Variants in BICC1 observed in about 807,000 individuals in gnomAD.
BICC1 encodes protein bicaudal C homolog 1.
BICC1 carries 43 observed loss-of-function variants against 111.0 expected under a neutral mutation model. The observed-to-expected ratio is 0.39, with a 90% confidence interval of 0.30 to 0.50. The LOEUF is 0.50. Ranked by LOEUF, BICC1 falls within the 20% of genes least tolerant of loss-of-function variation. BICC1 has a pLI of 0.88. For missense variants in BICC1, 1,091 were observed against 1,203.2 expected (o/e 0.91, Z 1.38); for synonymous variants, 467 against 434.4 (o/e 1.07, Z -0.93).
intron 17 of BICC1, among the ~76,000 whole-genome samples, chr10:58,812,666 T>C (rs1011495515): frequency 1.3e-5 from 2 of 151,924 alleles, no homozygotes; most frequent in South Asian, 2.1e-4. Flanking sequence ...TTAGTAGATA[T>C]GGGGTTTCAC....
At chr10:58,674,467 A>C (rs1361091549) in intron 2 of BICC1, among the ~76,000 whole-genome samples, 1 of 152,204 alleles carries the variant, frequency 6.6e-6, no homozygotes, top group East Asian at 1.9e-4. Flanking sequence ...TTTGTGGAAC[A>C]TATATTTATG....
chr10:58,696,729 C>G (rs1206493072), intron 2 of BICC1, among the ~76,000 whole-genome samples: 1 of 152,246 alleles, frequency 6.6e-6, no homozygotes, highest in East Asian at 1.9e-4. Context: ...CCTGAAATAG[C>G]AAAATCATAC....
chr10:58,782,203 A>G (rs1257706707), intron 3 of BICC1, among the ~76,000 whole-genome samples: 2 of 152,212 alleles, frequency 1.3e-5, no homozygotes, highest in Admixed American at 1.3e-4. Flanking sequence ...AGAAAATCAC[A>G]TTCTCTCTTA....
chr10:58,821,662 C>A (rs1330365592), intron 20 of BICC1, among the ~76,000 whole-genome samples: 1 of 152,116 alleles, frequency 6.6e-6, no homozygotes, highest in East Asian at 1.9e-4. Context: ...TCTAAAATTT[C>A]TTCTCGGATA....
Position 58,731,740 on chromosome 10 carries a change from G to A in BICC1, c.307+29597G>A, listed in dbSNP as rs138656620. ...AGAGAGAGAGAGAGAGAGGGAGGGA[G>A]TGGGGGAGAGATGCTACACACTTTT... On this transcript the variant is annotated intron_variant, in intron 3 of 20. Coordinates refer to ENST00000373886, the MANE Select transcript of BICC1 (RefSeq NM_001080512.3). Among the ~76,000 whole-genome samples the A allele has an allele frequency of 8.4e-3, 1,277 of 151,350 alleles. 20 individuals carry two copies. The highest frequency in any genetic ancestry group is 0.029 in the African/African-American group (1,192 of 41,170).
chr10:58,607,545 C>T (rs1396055492), intron 1 of BICC1, among the ~76,000 whole-genome samples: 1 of 151,800 alleles, frequency 6.6e-6, no homozygotes, highest in Non-Finnish European at 1.5e-5. Context: ...CTGTCCTTTT[C>T]GTCCCCCTTC....
intron 3 of BICC1, among the ~76,000 whole-genome samples, chr10:58,763,873 A>G (rs1302918747): frequency 2.0e-5 from 3 of 152,088 alleles, no homozygotes; most frequent in Non-Finnish European, 4.4e-5. Context: ...TAGTAAAGTT[A>G]CACAAGTAGA....
At chr10:58,674,557 G>C (rs888511403) in intron 2 of BICC1, among the ~76,000 whole-genome samples, 1 of 152,112 alleles carries the variant, frequency 6.6e-6, no homozygotes, top group Admixed American at 6.5e-5. Context: ...AGGCACTCTT[G>C]ATTAGATGCA....
intron 2 of BICC1, among the ~76,000 whole-genome samples, chr10:58,690,791 A>G (rs1839885866): frequency 6.6e-6 from 1 of 152,190 alleles, no homozygotes; most frequent in Admixed American, 6.5e-5. Flanking sequence ...ATTTGCTTTA[A>G]GAGATGAACT....
chr10:58,709,163 A>G (rs1782636447), intron 3 of BICC1, among the ~76,000 whole-genome samples: 2 of 152,110 alleles, frequency 1.3e-5, no homozygotes, highest in African/African-American at 2.4e-5. Context: ...TATTCTTCCA[A>G]TCTAGATCTT....
chr10:58,608,843 G>T (rs1390766056), intron 1 of BICC1, among the ~76,000 whole-genome samples: 1 of 152,144 alleles, frequency 6.6e-6, no homozygotes. Context: ...AAATAAATTT[G>T]TATAAATAAA....
intron 13 of BICC1, 36 bp downstream of exon 13, chr10:58,800,362 T>A (rs1843504706): frequency 6.3e-7 from 1 of 1,599,664 alleles, no homozygotes; most frequent in East Asian, 2.2e-5. Flanking sequence ...TCATTTTGGT[T>A]GTTATTTGGA....
intron 2 of BICC1, among the ~76,000 whole-genome samples, chr10:58,647,212 C>T (rs1838296721): frequency 6.6e-6 from 1 of 152,200 alleles, no homozygotes; most frequent in East Asian, 1.9e-4. Flanking sequence ...TAGTTATAGT[C>T]TCACATCAAA....
At chr10:58,566,429 A>G (rs1008288116) in intron 1 of BICC1, among the ~76,000 whole-genome samples, 3 of 151,996 alleles carry the variant, frequency 2.0e-5, no homozygotes, top group African/African-American at 7.2e-5. Context: ...CTAGTTTCAT[A>G]TTTTTGCAAT....
rs7092762 is a variant in BICC1 at position 58,559,536 on chromosome 10, T to C, written c.190+46203T>C. 1.5e-3 allele frequency among the ~76,000 whole-genome samples: 235 copies of C among 152,296 alleles called. 2 individuals are homozygous for C. Among genetic ancestry groups the C allele is most frequent in the African/African-American group, 5.5e-3 (228 of 41,584 alleles). On this transcript the variant is annotated intron_variant, in intron 1 of 20. Transcript: ENST00000373886. ...TTTCTGTATATAAGATTATATTGTCTGCAAACAGAAACAGTTTGATTACCT... is the reference window on the plus strand; with the variant it reads ...TTTCTGTATATAAGATTATATTGTCCGCAAACAGAAACAGTTTGATTACCT...
At chr10:58,763,260 AAT>A (rs1257779957) in intron 3 of BICC1, among the ~76,000 whole-genome samples, 1 of 152,172 alleles carries the variant, frequency 6.6e-6, no homozygotes, top group Non-Finnish European at 1.5e-5. Flanking sequence ...AAAAATTATT[AAT>A]ATATATTTTT....
chr10:58,519,643 C>G (rs1164385806), intron 1 of BICC1, among the ~76,000 whole-genome samples: 3 of 151,980 alleles, frequency 2.0e-5, no homozygotes, highest in Admixed American at 1.3e-4. Context: ...TCAGGCAGCC[C>G]CTGAACCAGA....
At chr10:58,529,486 G>T (rs1199807646) in intron 1 of BICC1, among the ~76,000 whole-genome samples, 3 of 151,842 alleles carry the variant, frequency 2.0e-5, no homozygotes, top group African/African-American at 7.3e-5. Context: ...TTTATCATGA[G>T]CTTTTTCTTT....
chr10:58,577,755 T>C (rs1244276082), intron 1 of BICC1, among the ~76,000 whole-genome samples: 1 of 152,192 alleles, frequency 6.6e-6, no homozygotes, highest in Non-Finnish European at 1.5e-5. Context: ...TCATTTAATC[T>C]AAAATATGTC....
Sources: allele counts gnomAD v4.1 joint callset (sites outside exome capture counted in the v4.1 genomes callset), GRCh38; gene constraint gnomAD v4.1.1; transcripts MANE v1.5; gene names NCBI Gene and HGNC (gene_info 2026-07-23, HGNC 2026-07-21).